Variants in CERS6 observed in about 807,000 individuals in gnomAD.
The protein encoded by CERS6 is ceramide synthase 6, also known as LAG1 homolog, ceramide synthase 6.
In CERS6, 26 loss-of-function variants were observed where a neutral mutation model predicts 56.8. That is an observed-to-expected ratio of 0.46 (90% CI 0.34 to 0.63). The LOEUF is 0.63. CERS6 is among the 30% of genes least tolerant of loss of function. The pLI, the probability that CERS6 is intolerant of heterozygous loss-of-function variation, is 0.01. For missense variants in CERS6, 415 were observed against 467.5 expected (o/e 0.89, Z 1.04); for synonymous variants, 164 against 173.3 (o/e 0.95, Z 0.42).
chr2:168,504,137 G>C (rs538392133), intron 1 of CERS6, among the ~76,000 whole-genome samples: 3 of 152,150 alleles, frequency 2.0e-5, no homozygotes, highest in Non-Finnish European at 4.4e-5. Context: ...CAGGGTGGGC[G>C]TGGTGGCTCA....
At chr2:168,693,759 G>A (rs186889300) in intron 5 of CERS6, among the ~76,000 whole-genome samples, 40 of 152,196 alleles carry the variant, frequency 2.6e-4, no homozygotes, top group African/African-American at 8.7e-4. Context: ...GCTCCCAAAG[G>A]CCCTGCCTCC....
chr2:168,494,518 A>G (rs568106257), intron 1 of CERS6, among the ~76,000 whole-genome samples: 10 of 152,322 alleles, frequency 6.6e-5, no homozygotes, highest in African/African-American at 2.4e-4. Context: ...TGCTTGTTAA[A>G]TAAATAACAG....
chr2:168,563,149 G>A (rs1695822523), intron 3 of CERS6, among the ~76,000 whole-genome samples: 1 of 152,142 alleles, frequency 6.6e-6, no homozygotes, highest in Admixed American at 6.5e-5. Context: ...GGAATCTGAT[G>A]TACTTAGTCT....
chr2:168,614,534 A>T (rs915672790), intron 3 of CERS6, among the ~76,000 whole-genome samples: 1 of 152,188 alleles, frequency 6.6e-6, no homozygotes, highest in Admixed American at 6.5e-5. Context: ...TGTGGGGTGC[A>T]TGGTGGGAGT....
At chr2:168,763,057 A>G (rs1684623783) in intron 8 of CERS6, among the ~76,000 whole-genome samples, 1 of 151,902 alleles carries the variant, frequency 6.6e-6, no homozygotes, top group Non-Finnish European at 1.5e-5. Context: ...TTTTATTTAT[A>G]TGGAGATAGG....
At chr2:168,561,858 G>A (rs550219037) in intron 3 of CERS6, among the ~76,000 whole-genome samples, 2 of 152,246 alleles carry the variant, frequency 1.3e-5, no homozygotes, top group East Asian at 1.9e-4. Context: ...TTTATATAGT[G>A]TATAAATTAT....
intron 4 of CERS6, among the ~76,000 whole-genome samples, chr2:168,656,789 A>T (rs1385865955): frequency 6.6e-6 from 1 of 152,032 alleles, no homozygotes; most frequent in Non-Finnish European, 1.5e-5. Context: ...TTATTCTCTT[A>T]TCTGGCCCCA....
intron 5 of CERS6, among the ~76,000 whole-genome samples, chr2:168,694,642 A>G (rs537601542): frequency 1.3e-5 from 2 of 152,236 alleles, no homozygotes; most frequent in Non-Finnish European, 2.9e-5. Flanking sequence ...ATTTTTTTTC[A>G]GGTTGCTTAA....
chr2:168,572,120 C>A (rs1329295830), intron 3 of CERS6, among the ~76,000 whole-genome samples: 1 of 152,170 alleles, frequency 6.6e-6, no homozygotes, highest in Non-Finnish European at 1.5e-5. Flanking sequence ...AGGCTCAAGT[C>A]TTGGCCATAT....
At chr2:168,509,043 G>A (rs898517261) in intron 1 of CERS6, among the ~76,000 whole-genome samples, 4 of 151,870 alleles carry the variant, frequency 2.6e-5, no homozygotes, top group Non-Finnish European at 2.9e-5. Flanking sequence ...TTTCTCTATT[G>A]CCATAGTTTT....
At chr2:168,712,766 G>A (rs543757062) in intron 6 of CERS6, among the ~76,000 whole-genome samples, 2 of 152,190 alleles carry the variant, frequency 1.3e-5, no homozygotes, top group African/African-American at 2.4e-5. Context: ...GAACACATCA[G>A]GATAGAAAGA....
chr2:168,626,854 A>G (rs1684602349), intron 3 of CERS6, among the ~76,000 whole-genome samples: 1 of 151,998 alleles, frequency 6.6e-6, no homozygotes, highest in Non-Finnish European at 1.5e-5. Flanking sequence ...ATCGTTTAGG[A>G]TTCAACTTCT....
At chr2:168,643,003 G>C (rs940244489) in intron 4 of CERS6, among the ~76,000 whole-genome samples, 4 of 152,182 alleles carry the variant, frequency 2.6e-5, no homozygotes, top group African/African-American at 9.7e-5. Context: ...TTCAGTATTG[G>C]CGGAAGAGTT....
At chr2:168,587,157 G>T (rs934068627) in intron 3 of CERS6, among the ~76,000 whole-genome samples, 2 of 152,002 alleles carry the variant, frequency 1.3e-5, no homozygotes, top group African/African-American at 4.8e-5. Flanking sequence ...TGGGCTGAGC[G>T]ATAGAGCAAG....
intron 1 of CERS6, among the ~76,000 whole-genome samples, chr2:168,461,712 A>G (rs1693783603): frequency 6.6e-6 from 1 of 152,210 alleles, no homozygotes; most frequent in South Asian, 2.1e-4. Context: ...GTGCCTTAGA[A>G]TGGTGGAGGA....
At chr2:168,681,453 T>C (rs1686213132) in intron 4 of CERS6, among the ~76,000 whole-genome samples, 1 of 152,222 alleles carries the variant, frequency 6.6e-6, no homozygotes, top group Non-Finnish European at 1.5e-5. Context: ...TAACGTTGTT[T>C]ATAAATATAG....
At chr2:168,602,336 G>T (rs543406595) in intron 3 of CERS6, among the ~76,000 whole-genome samples, 1 of 152,292 alleles carries the variant, frequency 6.6e-6, no homozygotes, top group South Asian at 2.1e-4. Context: ...TATTTGCCTG[G>T]TATAGGACTC....
chr2:168,603,825 C>G lies in CERS6; in HGVS notation c.408-27160C>G, dbSNP rs1272115113. Reference sequence around the variant, plus strand: ...GAGTCTGCTGAGGAGCCCCTTGGTCCTAAAGCCAGGTTTGTGTAAGAAATG... The same window carrying G: ...GAGTCTGCTGAGGAGCCCCTTGGTCGTAAAGCCAGGTTTGTGTAAGAAATG... On this transcript the variant is annotated intron_variant, in intron 3 of 9. Coordinates refer to ENST00000305747, the MANE Select transcript of CERS6 (RefSeq NM_203463.3). 3.3e-5 allele frequency among the ~76,000 whole-genome samples: 5 copies of G among 152,198 alleles called. 1 individual carries two copies. The highest frequency in any genetic ancestry group is 7.2e-5 in the African/African-American group (3 of 41,428).
intron 1 of CERS6, among the ~76,000 whole-genome samples, chr2:168,543,028 A>G (rs537522215): frequency 7.2e-5 from 11 of 152,268 alleles, no homozygotes; most frequent in African/African-American, 2.2e-4. Flanking sequence ...CTCTCACCAC[A>G]CTACTGCCCA....
Sources: gnomAD v4.1 joint callset for allele counts (sites outside exome capture counted in the v4.1 genomes callset) on GRCh38, gnomAD v4.1.1 for gene constraint, MANE v1.5 for transcripts, NCBI Gene and HGNC (gene_info 2026-07-23, HGNC 2026-07-21) for gene names.